Variants in CDC5L observed in about 807,000 individuals in gnomAD.
The protein encoded by CDC5L is cell division cycle 5 like.
In CDC5L, 18 loss-of-function variants were observed where a neutral mutation model predicts 104.1. That is an observed-to-expected ratio of 0.17 (90% CI 0.12 to 0.26). The LOEUF is 0.26. Ranked by LOEUF, CDC5L falls within the 10% of genes least tolerant of loss-of-function variation. CDC5L has a pLI of 1.00. For missense variants in CDC5L, 673 were observed against 956.9 expected, an observed-to-expected ratio of 0.70 and a Z score of 3.91; for synonymous variants, 331 against 322.7, an observed-to-expected ratio of 1.03 and a Z score of -0.28.
intron 9 of CDC5L, among the ~76,000 whole-genome samples, chr6:44,421,053 AG>A (rs1159864612): frequency 1.8e-4 from 28 of 152,304 alleles, no homozygotes; most frequent in African/African-American, 6.3e-4. Context: ...TTTGTTTTGG[AG>A]ACCCGGTCTC....
intron 7 of CDC5L, 148 bp downstream of exon 7, chr6:44,406,615 A>G: frequency 1.3e-6 from 1 of 752,084 alleles, no homozygotes; most frequent in Non-Finnish European, 2.2e-6. Flanking sequence ...CATAAAAACA[A>G]GTAATTGTGG....
intron 14 of CDC5L, among the ~76,000 whole-genome samples, chr6:44,433,356 A>G (rs915020443): frequency 7.9e-5 from 12 of 152,218 alleles, no homozygotes; most frequent in African/African-American, 2.7e-4. Flanking sequence ...AAGTGCAAAT[A>G]GAATTTTAAG....
chr6:44,426,085 A>C lies in CDC5L; in HGVS notation c.1570-18A>C. 6.5e-7 allele frequency: 1 copy of C among 1,546,638 alleles called. No homozygotes were observed. The highest frequency in any genetic ancestry group is 2.3e-5 in the East Asian group (1 of 44,356). On this transcript the variant is annotated intron_variant, in intron 11 of 15. Transcript: ENST00000371477. ...ATACGCTATAGCTGCAATAAAGGATATAAAAATCATTTTTTAGGCCATACG... is the reference window on the plus strand; with the variant it reads ...ATACGCTATAGCTGCAATAAAGGATCTAAAAATCATTTTTTAGGCCATACG...
chr6:44,397,158 C>T lies in CDC5L; in HGVS notation c.539+718C>T, dbSNP rs564219351. On this transcript the variant is annotated intron_variant, in intron 5 of 15. Coordinates refer to ENST00000371477, the MANE Select transcript of CDC5L (RefSeq NM_001253.4). ...AAAGTCCCAAGCCCTCTAATCCTGC[C>T]GTGGTCTTTCTGGTGACTGCCAGCT... Among the ~76,000 whole-genome samples the T allele has an allele frequency of 3.3e-5, 5 of 152,346 alleles. No homozygotes were observed. The East Asian group carries it at 9.6e-4, about 29-fold the overall frequency.
chr6:44,393,169 T>G (rs1790696498), intron 3 of CDC5L, among the ~76,000 whole-genome samples: 1 of 149,660 alleles, frequency 6.7e-6, no homozygotes, highest in African/African-American at 2.4e-5. Context: ...TAATAGTTTT[T>G]TTTTTTTTTT....
At chr6:44,414,539 T>G (rs1181038426) in intron 8 of CDC5L, among the ~76,000 whole-genome samples, 10 of 151,804 alleles carry the variant, frequency 6.6e-5, no homozygotes, top group Non-Finnish European at 1.3e-4. Flanking sequence ...GTCTTGCTGG[T>G]GTTACGTAGG....
chr6:44,425,732 T>A (rs1792388644), intron 11 of CDC5L, among the ~76,000 whole-genome samples: 2 of 152,050 alleles, frequency 1.3e-5, no homozygotes, highest in African/African-American at 4.8e-5. Flanking sequence ...AAACAATACA[T>A]TTTTTGGCTG....
intron 14 of CDC5L, among the ~76,000 whole-genome samples, chr6:44,431,532 T>G (rs990157914): frequency 5.3e-5 from 8 of 152,186 alleles, no homozygotes; most frequent in Non-Finnish European, 8.8e-5. Flanking sequence ...GTTTCTTACT[T>G]AGTATGAAAA....
At chr6:44,415,859 G>A (rs6458385) in intron 8 of CDC5L, among the ~76,000 whole-genome samples, 151,183 of 152,324 alleles carry the variant, frequency 0.99, 75,034 homozygotes, top group Non-Finnish European at 1. Context: ...TAAAATAAAT[G>A]TCTACTAATG....
At chr6:44,433,823 A>G (rs1792799119) in intron 14 of CDC5L, among the ~76,000 whole-genome samples, 1 of 152,172 alleles carries the variant, frequency 6.6e-6, no homozygotes, top group Admixed American at 6.6e-5. Flanking sequence ...AGTAGATCTC[A>G]TTTTCTCAGT....
chr6:44,434,859 C>A (rs1006495121), intron 14 of CDC5L, among the ~76,000 whole-genome samples: 2 of 152,174 alleles, frequency 1.3e-5, no homozygotes, highest in Admixed American at 1.3e-4. Flanking sequence ...TATGGTTCCA[C>A]TGATTCATCT....
At chr6:44,408,102 A>G (rs1476113106) in intron 7 of CDC5L, among the ~76,000 whole-genome samples, 5 of 152,092 alleles carry the variant, frequency 3.3e-5, no homozygotes, top group Non-Finnish European at 5.9e-5. Flanking sequence ...TTTTCCCCTC[A>G]CATTCTGTAG....
chr6:44,425,993 A>G, intron 11 of CDC5L, 110 bp from the exon 12 acceptor site: 1 of 630,660 alleles, frequency 1.6e-6, no homozygotes, highest in African/African-American at 1.9e-5. Flanking sequence ...CGATTTCTAA[A>G]CTTTAGCTAT....
rs1793576571 is a variant in CDC5L, at chr6:44,449,704, A to C, written c.*2993A>C. 6.6e-6 allele frequency: 1 copy of C among 152,122 alleles called. No homozygotes were observed. The highest frequency in any genetic ancestry group is 2.4e-5 in the African/African-American group (1 of 41,388). 9.4% of individuals were successfully genotyped at this position (152,122 alleles called of 1,614,324 possible). On this transcript the variant is annotated 3_prime_UTR_variant, in exon 16 of 16. Transcript: ENST00000371477. ...ATTAGAGACATAATGCTGTCTAATA[A>C]AAAACGACATCAAAGAAAAACTACA...
rs1478154075 is a variant in CDC5L at position 44,448,566 on chromosome 6, AAT to A, written c.*1857_*1858del. ...GGAGAGACATGATAGGTATATACTT[AAT>A]AGTCTTATCAGACGATAAATTGATA... On this transcript the variant is annotated 3_prime_UTR_variant, in exon 16 of 16. Transcript: ENST00000371477. 1.3e-5 allele frequency: 2 copies of A among 152,224 alleles called. No homozygotes were observed. The highest frequency in any genetic ancestry group is 4.8e-5 in the African/African-American group (2 of 41,466). The allele number at this position is 152,224 out of a possible 1,614,324, so 9.4% of individuals were successfully genotyped here.
chr6:44,416,381 G>C (rs1791909420), intron 8 of CDC5L, among the ~76,000 whole-genome samples: 1 of 152,146 alleles, frequency 6.6e-6, no homozygotes, highest in Admixed American at 6.5e-5. Context: ...GTTTGAAGCA[G>C]AAGTCTGGTC....
At chr6:44,417,227 G>T (rs1791948901) in intron 8 of CDC5L, among the ~76,000 whole-genome samples, 1 of 152,142 alleles carries the variant, frequency 6.6e-6, no homozygotes, top group South Asian at 2.1e-4. Context: ...TCCATGTCTG[G>T]TGGTTGATGC....
chr6:44,419,296 C>A (rs1444933753), intron 8 of CDC5L, among the ~76,000 whole-genome samples, 153 bp from the exon 9 acceptor site: 1 of 152,218 alleles, frequency 6.6e-6, no homozygotes, highest in Non-Finnish European at 1.5e-5. Flanking sequence ...ACATTGAAAT[C>A]TGCCATGACT....
chr6:44,387,982 C>A, intron 1 of CDC5L, 114 bp downstream of exon 1: 2 of 962,230 alleles, frequency 2.1e-6, no homozygotes, highest in Non-Finnish European at 3.1e-6. Context: ...GCGTGGAGGG[C>A]AGCCCGGGGG....
Sources: gnomAD v4.1 joint callset for allele counts (sites outside exome capture counted in the v4.1 genomes callset) on GRCh38, gnomAD v4.1.1 for gene constraint, MANE v1.5 for transcripts, NCBI Gene and HGNC (gene_info 2026-07-23, HGNC 2026-07-21) for gene names.